HEMK2: variants seen among roughly 807,000 people sequenced by gnomAD.
HEMK2 encodes the protein HemK methyltransferase 2, ETF1 glutamine and histone H4 lysine.
chr21:28,668,603 T>A, the HEMK2 span, among the ~76,000 whole-genome samples: 1 of 152,190 alleles, frequency 6.6e-6, no homozygotes, highest in Non-Finnish European at 1.5e-5. Context: ...CCAGGTCCAA[T>A]AGCTATGTAA....
the HEMK2 span, chr21:28,879,831 T>G: frequency 7.1e-7 from 1 of 1,412,944 alleles, no homozygotes; most frequent in South Asian, 1.3e-5. Context: ...AACAAAATAA[T>G]TGAAAATATT....
the HEMK2 span, among the ~76,000 whole-genome samples, chr21:28,579,379 G>A: frequency 3.3e-5 from 5 of 152,168 alleles, no homozygotes; most frequent in African/African-American, 1.2e-4. Context: ...TCTTTGAACA[G>A]GTTTGAACCT....
At chr21:28,665,121 T>C in the HEMK2 span, among the ~76,000 whole-genome samples, 1 of 138,784 alleles carries the variant, frequency 7.2e-6, no homozygotes, top group Non-Finnish European at 1.6e-5. Context: ...CTACTAAACA[T>C]AAAAAAAAAA....
the HEMK2 span, among the ~76,000 whole-genome samples, chr21:28,779,844 G>T: frequency 3.9e-5 from 6 of 152,026 alleles, no homozygotes; most frequent in African/African-American, 1.2e-4. Flanking sequence ...TCCTCTTTCA[G>T]TATGCAAAAA....
the HEMK2 span, among the ~76,000 whole-genome samples, chr21:28,783,952 C>T: frequency 2.6e-5 from 4 of 152,202 alleles, no homozygotes; most frequent in East Asian, 1.9e-4. Context: ...AGCCTGCCGG[C>T]GCTGAGCTCT....
the HEMK2 span, among the ~76,000 whole-genome samples, chr21:28,684,314 G>T: frequency 6.6e-6 from 1 of 152,306 alleles, no homozygotes; most frequent in Middle Eastern, 3.4e-3. Flanking sequence ...GCAGGCAAAT[G>T]ACACATTTTT....
the HEMK2 span, among the ~76,000 whole-genome samples, chr21:28,631,331 T>C: frequency 6.6e-6 from 1 of 152,248 alleles, no homozygotes; most frequent in Non-Finnish European, 1.5e-5. Flanking sequence ...GTAACATTCT[T>C]AAAATATCTA....
the HEMK2 span, among the ~76,000 whole-genome samples, chr21:28,730,014 G>A: frequency 6.6e-6 from 1 of 152,218 alleles, no homozygotes; most frequent in Non-Finnish European, 1.5e-5. Flanking sequence ...CACGAGATTA[G>A]CCAGACCTAC....
At chr21:28,880,098 A>G in the HEMK2 span, 611 of 471,410 alleles carry the variant, frequency 1.3e-3, 6 homozygotes, top group East Asian at 0.02. Flanking sequence ...AAGTATTTTT[A>G]TGTTTTCATT....
the HEMK2 span, among the ~76,000 whole-genome samples, chr21:28,790,647 T>G: frequency 6.6e-6 from 1 of 152,012 alleles, no homozygotes; most frequent in African/African-American, 2.4e-5. Context: ...AATAAATACT[T>G]CTGTAGCTTC....
At chr21:28,661,991 T>G in the HEMK2 span, among the ~76,000 whole-genome samples, 8 of 152,124 alleles carry the variant, frequency 5.3e-5, no homozygotes, top group Admixed American at 5.2e-4. Flanking sequence ...CCATAAATAA[T>G]TGTTAACTAA....
At chr21:28,818,173 CA>C in the HEMK2 span, among the ~76,000 whole-genome samples, 1 of 152,130 alleles carries the variant, frequency 6.6e-6, no homozygotes, top group Non-Finnish European at 1.5e-5. Flanking sequence ...AAAAAGCAGG[CA>C]GAAGAACGTG....
chr21:28,877,514 A>T, the HEMK2 span, among the ~76,000 whole-genome samples: 1 of 145,406 alleles, frequency 6.9e-6, no homozygotes, highest in Non-Finnish European at 1.5e-5. Context: ...GATGGACAGA[A>T]GGAAAAAAGA....
chr21:28,736,664 C>G, the HEMK2 span, among the ~76,000 whole-genome samples: 1 of 152,086 alleles, frequency 6.6e-6, no homozygotes, highest in Non-Finnish European at 1.5e-5. Flanking sequence ...ACTCAGGAGG[C>G]TGTGGCAGAA....
chr21:28,789,288 A>C, the HEMK2 span, among the ~76,000 whole-genome samples: 1 of 152,078 alleles, frequency 6.6e-6, no homozygotes, highest in Non-Finnish European at 1.5e-5. Context: ...TATAGGTTTG[A>C]GGATGTAAGA....
chr21:28,667,255 G>C, the HEMK2 span, among the ~76,000 whole-genome samples: 1 of 151,998 alleles, frequency 6.6e-6, no homozygotes, highest in Non-Finnish European at 1.5e-5. Context: ...GTGTTGTTTT[G>C]ACAGATTTTT....
chr21:28,860,742 C>A, the HEMK2 span, among the ~76,000 whole-genome samples: 1 of 151,996 alleles, frequency 6.6e-6, no homozygotes, highest in Non-Finnish European at 1.5e-5. Context: ...GGAGAACAGC[C>A]ATGGGAATGG....
the HEMK2 span, among the ~76,000 whole-genome samples, chr21:28,758,837 T>C: frequency 6.6e-6 from 1 of 152,158 alleles, no homozygotes; most frequent in Non-Finnish European, 1.5e-5. Context: ...TGGATCTAGA[T>C]AGGCTTTTTA....
the HEMK2 span, among the ~76,000 whole-genome samples, chr21:28,666,694 G>T: frequency 9.9e-5 from 15 of 152,222 alleles, no homozygotes; most frequent in East Asian, 2.9e-3. Flanking sequence ...AAAGGTAGAA[G>T]GGTAATAAAT....
Sources: gnomAD v4.1 joint callset for allele counts (sites outside exome capture counted in the v4.1 genomes callset) on GRCh38, gnomAD v4.1.1 for gene constraint, MANE v1.5 for transcripts, NCBI Gene and HGNC (gene_info 2026-07-23, HGNC 2026-07-21) for gene names.